Variants in RBMS3 observed in about 807,000 individuals in gnomAD.
The protein encoded by RBMS3 is RNA-binding motif, single-stranded-interacting protein 3.
In RBMS3, 27 loss-of-function variants were observed where a neutral mutation model predicts 66.8. The observed-to-expected ratio is 0.40, with a 90% CI of 0.30 to 0.56. The LOEUF is 0.56. RBMS3 is among the 20% of genes least tolerant of loss of function. The pLI is 0.40. For missense variants in RBMS3, 513 were observed against 549.5 expected, an observed-to-expected ratio of 0.93 and a Z score of 0.66; for synonymous variants, 188 against 183.0, an observed-to-expected ratio of 1.03 and a Z score of -0.22.
intron 1 of RBMS3, among the ~76,000 whole-genome samples, chr3:29,399,251 C>A (rs2039696066): frequency 1.3e-5 from 2 of 151,892 alleles, no homozygotes; most frequent in South Asian, 4.1e-4. Flanking sequence ...ATGCATACAT[C>A]CACACATCTA....
intron 12 of RBMS3, among the ~76,000 whole-genome samples, chr3:29,949,747 T>TA (rs1695553351): frequency 6.6e-6 from 1 of 151,450 alleles, no homozygotes; most frequent in South Asian, 2.1e-4. Flanking sequence ...TTTTTATTTT[T>TA]TATATATTTT....
At chr3:29,575,105 A>T (rs753737379) in intron 3 of RBMS3, among the ~76,000 whole-genome samples, 44 of 152,054 alleles carry the variant, frequency 2.9e-4, no homozygotes, top group Non-Finnish European at 5.6e-4. Flanking sequence ...GCTTCAGATG[A>T]TTTCTTCTTG....
intron 3 of RBMS3, among the ~76,000 whole-genome samples, chr3:29,489,518 C>A (rs4474998): frequency 6.6e-6 from 1 of 151,706 alleles, no homozygotes; most frequent in East Asian, 1.9e-4. Flanking sequence ...GAAACTAATT[C>A]TAATATCCTT....
At chr3:29,834,706 A>G (rs985971445) in intron 6 of RBMS3, among the ~76,000 whole-genome samples, 1 of 152,094 alleles carries the variant, frequency 6.6e-6, no homozygotes, top group African/African-American at 2.4e-5. Context: ...GGAAGATAGC[A>G]AGAAAGAAGA....
At chr3:29,877,670 G>C (rs2059639249) in intron 7 of RBMS3, among the ~76,000 whole-genome samples, 1 of 152,164 alleles carries the variant, frequency 6.6e-6, no homozygotes, top group South Asian at 2.1e-4. Flanking sequence ...GGTGAGAGCA[G>C]ATAACTACTG....
chr3:29,897,048 G>A (rs1043142019), intron 8 of RBMS3, among the ~76,000 whole-genome samples: 2 of 151,512 alleles, frequency 1.3e-5, no homozygotes, highest in African/African-American at 4.8e-5. Flanking sequence ...TGTAAAGCTT[G>A]GTGCTTTCAT....
intron 1 of RBMS3, among the ~76,000 whole-genome samples, chr3:29,369,171 G>T (rs1476250969): frequency 1.3e-5 from 2 of 151,872 alleles, no homozygotes; most frequent in African/African-American, 4.8e-5. Flanking sequence ...GAGAGTGGAG[G>T]GTCAGAGGAG....
At chr3:29,758,040 T>C (rs2055502037) in intron 5 of RBMS3, among the ~76,000 whole-genome samples, 1 of 152,206 alleles carries the variant, frequency 6.6e-6, no homozygotes, top group Non-Finnish European at 1.5e-5. Context: ...TTGTCAGCTG[T>C]TTTTCTCATG....
At chr3:29,791,211 T>C (rs564800028) in intron 6 of RBMS3, among the ~76,000 whole-genome samples, 1 of 152,338 alleles carries the variant, frequency 6.6e-6, no homozygotes, top group East Asian at 1.9e-4. Flanking sequence ...AAGACAGGTA[T>C]TATGTAAATA....
intron 12 of RBMS3, among the ~76,000 whole-genome samples, chr3:29,955,950 C>T (rs1265252228): frequency 6.6e-6 from 1 of 152,152 alleles, no homozygotes; most frequent in African/African-American, 2.4e-5. Flanking sequence ...TTTATACAAC[C>T]TTGAAAGCTG....
At chr3:29,762,129 G>A (rs1331535676) in intron 5 of RBMS3, among the ~76,000 whole-genome samples, 1 of 152,070 alleles carries the variant, frequency 6.6e-6, no homozygotes, top group African/African-American at 2.4e-5. Flanking sequence ...TATGTGAGAT[G>A]CCAAAATTTG....
intron 12 of RBMS3, 74 bp downstream of exon 12, chr3:29,944,328 C>A: frequency 7.6e-7 from 1 of 1,321,708 alleles, no homozygotes; most frequent in Non-Finnish European, 1.1e-6. Context: ...TTCCCAAACT[C>A]TTTAAAGCAG....
chr3:29,689,568 A>G (rs970305537), intron 4 of RBMS3, among the ~76,000 whole-genome samples: 3 of 152,116 alleles, frequency 2.0e-5, no homozygotes, highest in Admixed American at 6.5e-5. Context: ...AGGGAAGCAG[A>G]GTGGAAAATA....
chr3:29,727,819 A>G (rs866079021), intron 4 of RBMS3, among the ~76,000 whole-genome samples: 1 of 152,198 alleles, frequency 6.6e-6, no homozygotes, highest in African/African-American at 2.4e-5. Flanking sequence ...AGGATCTAGA[A>G]CCAGAAATAC....
At chr3:29,378,899 C>T (rs1000204285) in intron 1 of RBMS3, among the ~76,000 whole-genome samples, 2 of 152,016 alleles carry the variant, frequency 1.3e-5, no homozygotes, top group Admixed American at 6.5e-5. Context: ...ATTTATTTTC[C>T]AAATAAGCTC....
At chr3:29,867,651 C>T (rs1182235218) in intron 6 of RBMS3, among the ~76,000 whole-genome samples, 1 of 151,030 alleles carries the variant, frequency 6.6e-6, no homozygotes, top group African/African-American at 2.4e-5. Context: ...CCATTTCAAG[C>T]TCCTGGTCAT....
intron 1 of RBMS3, among the ~76,000 whole-genome samples, chr3:29,299,993 G>A (rs1216589203): frequency 6.6e-6 from 1 of 151,702 alleles, no homozygotes; most frequent in Non-Finnish European, 1.5e-5. Context: ...AAAAAAGGGA[G>A]AAAATATTCT....
chr3:29,650,973 A>G (rs1331467592), intron 4 of RBMS3, among the ~76,000 whole-genome samples: 2 of 152,126 alleles, frequency 1.3e-5, no homozygotes, highest in Non-Finnish European at 2.9e-5. Flanking sequence ...AAGTCTTTAT[A>G]TGTTTCTATA....
chr3:29,814,267 A>T (rs1375011971), intron 6 of RBMS3, among the ~76,000 whole-genome samples: 1 of 152,066 alleles, frequency 6.6e-6, no homozygotes, highest in African/African-American at 2.4e-5. Context: ...GGTTCTGTTT[A>T]TATGCTGGAT....
Sources: gnomAD v4.1 joint callset for allele counts (sites outside exome capture counted in the v4.1 genomes callset) on GRCh38, gnomAD v4.1.1 for gene constraint, MANE v1.5 for transcripts, NCBI Gene and HGNC (gene_info 2026-07-23, HGNC 2026-07-21) for gene names.